Variants in GLIS3 observed in about 807,000 individuals in gnomAD.
GLIS3 encodes GLIS family zinc finger 3, also known as zinc finger protein GLIS3.
In GLIS3, 53 loss-of-function variants were observed where a neutral mutation model predicts 78.6. That is an observed-to-expected ratio of 0.67 (90% CI 0.54 to 0.85). The LOEUF is 0.85. Ranked by LOEUF, GLIS3 falls within the 40% of genes least tolerant of loss-of-function variation. The probability of loss-of-function intolerance (pLI) is 0.00; values close to 1 mark genes in which losing one functional copy is unlikely to be tolerated. For missense variants in GLIS3, 1,703 were observed against 1,231.1 expected (o/e 1.38, Z -5.74); for synonymous variants, 684 against 509.9 (o/e 1.34, Z -4.60).
rs2130238864 is a variant in GLIS3, at chr9:3,856,042, A to G, written c.2440T>C (p.Ser814Pro). 1 of 1,614,142 alleles carries G rather than the reference A, an allele frequency of 6.2e-7. No individual in the cohort carries two copies. ...HLKSYQPETNSSFQPNGIHVH... is the reference protein window; with the variant it reads ...HLKSYQPETNPSFQPNGIHVH... Reference sequence around the variant, plus strand: ...TGGATACCATTTGGTTGAAAAGAAGAGTTTGTTTCTGGCTGATAGGACTTC... The same window carrying G: ...TGGATACCATTTGGTTGAAAAGAAGGGTTTGTTTCTGGCTGATAGGACTTC... Residue 814 changes from serine to proline, a missense_variant, in exon 9 of 11, where the codon TCT becomes CCT. Physicochemically the swap from Ser to Pro is moderately conservative, Grantham distance 74. Coordinates refer to ENST00000381971, the MANE Select transcript of GLIS3 (RefSeq NM_001042413.2).
intron 4 of GLIS3, among the ~76,000 whole-genome samples, chr9:4,083,986 G>T (rs368397158): frequency 6.6e-6 from 1 of 152,126 alleles, no homozygotes; most frequent in Non-Finnish European, 1.5e-5. Context: ...TATTGCAGAT[G>T]ACTTCCTGCC....
intron 8 of GLIS3, among the ~76,000 whole-genome samples, chr9:3,861,245 T>G (rs1820192472): frequency 6.6e-6 from 1 of 152,166 alleles, no homozygotes. Flanking sequence ...ACTCCTTCCT[T>G]CTTTGACTAT....
chr9:4,433,213 C>A, the GLIS3 span, among the ~76,000 whole-genome samples: 1 of 152,202 alleles, frequency 6.6e-6, no homozygotes, highest in Non-Finnish European at 1.5e-5. Flanking sequence ...AGGCAGATCA[C>A]CTGAGGTCAG....
intron 2 of GLIS3, among the ~76,000 whole-genome samples, chr9:4,167,442 A>G (rs1376742574): frequency 6.6e-6 from 1 of 152,208 alleles, no homozygotes; most frequent in African/African-American, 2.4e-5. Flanking sequence ...GTGATTTCAC[A>G]TATATCCTCA....
At chr9:4,265,171 CAAAAAAA>C (rs748851157) in intron 2 of GLIS3, among the ~76,000 whole-genome samples, 2 of 84,356 alleles carry the variant, frequency 2.4e-5, no homozygotes, top group Non-Finnish European at 4.7e-5. Context: ...GACGCCGTCT[CAAAAAAA>C]AAAAAAAAAA....
the GLIS3 span, among the ~76,000 whole-genome samples, chr9:4,466,064 C>G: frequency 6.6e-6 from 1 of 152,052 alleles, no homozygotes; most frequent in East Asian, 1.9e-4. Flanking sequence ...TTCTACCATA[C>G]TGATTCAGAA....
At chr9:4,440,292 C>A in the GLIS3 span, among the ~76,000 whole-genome samples, 2 of 152,256 alleles carry the variant, frequency 1.3e-5, no homozygotes, top group Admixed American at 1.3e-4. Context: ...AGCATTTCTC[C>A]AATGTTTTCT....
intron 4 of GLIS3, among the ~76,000 whole-genome samples, chr9:3,942,256 GGCTTAGT>G (rs1815980664): frequency 6.6e-6 from 1 of 152,092 alleles, no homozygotes; most frequent in African/African-American, 2.4e-5. Context: ...TTTGAATTAA[GGCTTAGT>G]GTTTGTGACC....
rs1291432705 is a variant in GLIS3, at chr9:3,873,620, T to G, written c.2297+5807A>C. 2.0e-5 allele frequency among the ~76,000 whole-genome samples: 3 copies of G among 152,032 alleles called. No homozygotes were observed. In the East Asian group the frequency reaches 5.8e-4, roughly 29 times the overall value. On this transcript the variant is annotated intron_variant, in intron 8 of 10. Coordinates refer to ENST00000381971, the MANE Select transcript of GLIS3 (RefSeq NM_001042413.2). ...ATGCATTCTATACATGTAACAAAAT[T>G]TCACATCATATGCCCCATAAATTTG...
intron 9 of GLIS3, among the ~76,000 whole-genome samples, chr9:3,839,537 AT>A (rs1432373685): frequency 2.0e-5 from 3 of 152,114 alleles, no homozygotes; most frequent in African/African-American, 7.2e-5. Context: ...AATCTTCATC[AT>A]TAAAACAACT....
intron 2 of GLIS3, among the ~76,000 whole-genome samples, chr9:4,185,007 T>C (rs568148991): frequency 1.6e-3 from 248 of 152,368 alleles, no homozygotes; most frequent in African/African-American, 5.6e-3. Flanking sequence ...CCTTTGATTA[T>C]TAGTAAACTT....
intron 6 of GLIS3, 58 bp downstream of exon 6, chr9:3,932,302 A>G: frequency 7.6e-7 from 1 of 1,312,662 alleles, no homozygotes; most frequent in Non-Finnish European, 1.1e-6. Context: ...AGCTTCGTGT[A>G]CTACAAGAAT....
the GLIS3 span, among the ~76,000 whole-genome samples, chr9:4,438,745 G>C: frequency 6.6e-6 from 1 of 152,280 alleles, no homozygotes; most frequent in East Asian, 1.9e-4. Context: ...CTATAAATGA[G>C]AGTTCTGCAC....
chr9:4,371,745 T>C, the GLIS3 span, among the ~76,000 whole-genome samples: 1 of 152,230 alleles, frequency 6.6e-6, no homozygotes, highest in African/African-American at 2.4e-5. Context: ...ACGTTACTTC[T>C]CTTAGGCTTT....
intron 3 of GLIS3, among the ~76,000 whole-genome samples, chr9:4,125,213 C>T (rs1017530913): frequency 6.6e-6 from 1 of 152,196 alleles, no homozygotes; most frequent in Non-Finnish European, 1.5e-5. Flanking sequence ...TCTTTACTCT[C>T]TCTACTAGGC....
At chr9:4,115,170 A>G (rs897919135) in intron 4 of GLIS3, among the ~76,000 whole-genome samples, 17 of 152,196 alleles carry the variant, frequency 1.1e-4, no homozygotes, top group Non-Finnish European at 1.2e-4. Flanking sequence ...TGTGGTCATC[A>G]TTTCTTTCTT....
chr9:4,303,932 T>TA (rs1817159467), upstream of GLIS3, among the ~76,000 whole-genome samples: 1 of 152,260 alleles, frequency 6.6e-6, no homozygotes, highest in South Asian at 2.1e-4. Context: ...TGTGATGTTG[T>TA]AAAATTAATT....
At chr9:3,880,709 C>G (rs1821671902) in intron 7 of GLIS3, among the ~76,000 whole-genome samples, 1 of 152,156 alleles carries the variant, frequency 6.6e-6, no homozygotes, top group Admixed American at 6.5e-5. Flanking sequence ...TTTCCCCAAC[C>G]TCTCCAGGAT....
rs73386157 is a variant in GLIS3 at position 3,933,392 on chromosome 9, T to G, written c.1873-922A>C. ...TTAGTACATAATAGAAATGAATGAA[T>G]TAAGAGCAGCTCACATCCATTCACA... On this transcript the variant is annotated intron_variant, in intron 5 of 10. Coordinates refer to ENST00000381971, the MANE Select transcript of GLIS3 (RefSeq NM_001042413.2). Among the ~76,000 whole-genome samples, 1,301 of 152,220 alleles carry G rather than the reference T, an allele frequency of 8.5e-3. 17 individuals are homozygous for G. The highest frequency in any genetic ancestry group is 0.029 in the African/African-American group (1,220 of 41,538).
Sources: allele counts gnomAD v4.1 joint callset (sites outside exome capture counted in the v4.1 genomes callset), GRCh38; gene constraint gnomAD v4.1.1; transcripts MANE v1.5; gene names NCBI Gene and HGNC (gene_info 2026-07-23, HGNC 2026-07-21).